Variants in TLN2 observed in about 807,000 individuals in gnomAD.
The protein encoded by TLN2 is talin-2.
In TLN2, 118 loss-of-function variants were observed where a neutral mutation model predicts 294.7. That is an observed-to-expected ratio of 0.40 (90% CI 0.34 to 0.47). The LOEUF is 0.47. Among genes scored for constraint, TLN2 ranks in the 20% least tolerant of loss-of-function variants. The pLI is 0.84. For missense variants in TLN2, 3,083 were observed against 3,282.2 expected, an observed-to-expected ratio of 0.94 and a Z score of 1.48; for synonymous variants, 1,431 against 1,304.5, an observed-to-expected ratio of 1.10 and a Z score of -2.09.
At chr15:62,765,181 G>C (rs2062921775) in intron 40 of TLN2, among the ~76,000 whole-genome samples, 2 of 152,018 alleles carry the variant, frequency 1.3e-5, no homozygotes, top group African/African-American at 4.8e-5. Context: ...AGACAGCACT[G>C]TTGGAATATT....
intron 1 of TLN2, among the ~76,000 whole-genome samples, chr15:62,499,137 C>T (rs2039169136): frequency 6.6e-6 from 1 of 152,002 alleles, no homozygotes; most frequent in Non-Finnish European, 1.5e-5. Context: ...CTTTCTGCTA[C>T]CTGGGACATT....
At position 62,426,482 on chromosome 15, in the gene TLN2, T is replaced by C. The variant is rs574139116; in HGVS notation, c.-238+35797T>C. Among the ~76,000 whole-genome samples, 3 of 152,010 alleles carry C rather than the reference T, an allele frequency of 2.0e-5. No homozygotes were observed. The South Asian group carries it at 6.2e-4, about 32-fold the overall frequency. On this transcript the variant is annotated intron_variant, in intron 1 of 58. Coordinates refer to ENST00000636159, the MANE Select transcript of TLN2 (RefSeq NM_015059.3). ...TGCTGTGGGCTTTAACTGGCAGGGATTGGGATAGGGGAAAAGAGGTAATGT... is the reference window on the plus strand; with the variant it reads ...TGCTGTGGGCTTTAACTGGCAGGGACTGGGATAGGGGAAAAGAGGTAATGT...
In TLN2 at chr15:62,739,561, G is replaced by A. The variant is rs2061205241; in HGVS notation, c.3885+16G>A. On this transcript the variant is annotated intron_variant, in intron 31 of 58. Coordinates refer to ENST00000636159, the MANE Select transcript of TLN2 (RefSeq NM_015059.3). ...CCAAGCTCAGGTGGGTGTGGAGGTG[G>A]TTGTCTGGAGTTGACCTTAGCCTCT... The A allele has an allele frequency of 6.2e-7, 1 of 1,613,568 alleles. No homozygotes were observed. The highest frequency in any genetic ancestry group is 1.7e-5 in the Admixed American group (1 of 59,974).
At chr15:62,448,436 G>A (rs1326678624) in intron 1 of TLN2, among the ~76,000 whole-genome samples, 1 of 152,212 alleles carries the variant, frequency 6.6e-6, no homozygotes, top group African/African-American at 2.4e-5. Flanking sequence ...GGCTGAATGA[G>A]CTTCACTTCT....
intron 9 of TLN2, among the ~76,000 whole-genome samples, chr15:62,670,994 GT>G (rs2055339377): frequency 6.6e-6 from 1 of 152,136 alleles, no homozygotes; most frequent in Non-Finnish European, 1.5e-5. Flanking sequence ...GTATGTATTG[GT>G]ATCACATTGT....
chr15:62,671,867 A>C (rs1403654835), intron 9 of TLN2, among the ~76,000 whole-genome samples: 1 of 152,100 alleles, frequency 6.6e-6, no homozygotes, highest in African/African-American at 2.4e-5. Flanking sequence ...TTCTTTTTGT[A>C]AACTGTTATT....
intron 52 of TLN2, among the ~76,000 whole-genome samples, chr15:62,810,679 A>T (rs778517474): frequency 6.6e-6 from 1 of 152,160 alleles, no homozygotes; most frequent in Admixed American, 6.5e-5. Flanking sequence ...GTGACTCGCT[A>T]CAAACCCTAA....
rs2055955563 is a variant in TLN2 at position 62,674,763 on chromosome 15, A to T, written c.853-454A>T. ...ATGATCTAGCCACCTTGGCCTCCCA[A>T]ACTGTTGGCATTATAGGCATAAGCC... On this transcript the variant is annotated intron_variant, in intron 10 of 58. Transcript: ENST00000636159. Among the ~76,000 whole-genome samples, 3 of 152,096 alleles carry T rather than the reference A, an allele frequency of 2.0e-5. No homozygotes were observed. The South Asian group carries it at 6.2e-4, about 32-fold the overall frequency.
chr15:62,657,670 C>T (rs1596528778), intron 8 of TLN2, 101 bp from the exon 9 acceptor site: 3 of 1,497,098 alleles, frequency 2.0e-6, no homozygotes, highest in Non-Finnish European at 1.8e-6. Flanking sequence ...GGCACTGTCC[C>T]CTGCTCCACA....
At chr15:62,712,857 G>A (rs952832034) in intron 22 of TLN2, among the ~76,000 whole-genome samples, 1 of 152,058 alleles carries the variant, frequency 6.6e-6, no homozygotes, top group Non-Finnish European at 1.5e-5. Flanking sequence ...TGTGTACCTA[G>A]CACACATTTC....
intron 2 of TLN2, among the ~76,000 whole-genome samples, chr15:62,612,732 C>T (rs899958585): frequency 6.6e-6 from 1 of 152,152 alleles, no homozygotes; most frequent in Non-Finnish European, 1.5e-5. Flanking sequence ...GCTGACTTCT[C>T]CACTTAATAG....
At chr15:62,715,132 A>G (rs1027926535) in intron 22 of TLN2, among the ~76,000 whole-genome samples, 19 of 152,268 alleles carry the variant, frequency 1.2e-4, no homozygotes, top group African/African-American at 3.9e-4. Context: ...AGGAGATTCT[A>G]TTCAAGAGGG....
At chr15:62,575,595 T>C (rs1335998744) in intron 1 of TLN2, among the ~76,000 whole-genome samples, 1 of 134,488 alleles carries the variant, frequency 7.4e-6, no homozygotes, top group Non-Finnish European at 1.6e-5. Context: ...TTCCATGGAA[T>C]CACTTAAAAA....
chr15:62,801,839 A>G (rs1420104317), intron 50 of TLN2, among the ~76,000 whole-genome samples: 3 of 152,194 alleles, frequency 2.0e-5, no homozygotes, highest in African/African-American at 4.8e-5. Context: ...TTGTGGGTAC[A>G]TAGTAGGTGT....
chr15:62,629,040 T>A (rs1215884322), intron 3 of TLN2, among the ~76,000 whole-genome samples: 1 of 151,788 alleles, frequency 6.6e-6, no homozygotes, highest in African/African-American at 2.4e-5. Flanking sequence ...CTAAAAAAAA[T>A]TTAAAAATTA....
chr15:62,708,892 T>G, intron 21 of TLN2, 96 bp downstream of exon 21: 1 of 1,405,394 alleles, frequency 7.1e-7, no homozygotes, highest in South Asian at 1.4e-5. Flanking sequence ...CCTGGATGAC[T>G]GGCAAGGGCA....
intron 2 of TLN2, among the ~76,000 whole-genome samples, chr15:62,590,337 G>A (rs992067528): frequency 1.1e-4 from 16 of 152,098 alleles, no homozygotes; most frequent in Non-Finnish European, 1.9e-4. Flanking sequence ...AGGCCCCAGT[G>A]TGTGTTGTTC....
intron 4 of TLN2, 44 bp downstream of exon 4, chr15:62,647,490 T>G (rs747055227): frequency 6.8e-5 from 109 of 1,611,882 alleles, no homozygotes; most frequent in South Asian, 1.1e-5. Flanking sequence ...CGTGTTTGCA[T>G]GTTTTTCACT....
chr15:62,808,817 G>T (rs928514879), intron 51 of TLN2, among the ~76,000 whole-genome samples: 3 of 152,244 alleles, frequency 2.0e-5, no homozygotes, highest in Admixed American at 6.5e-5. Flanking sequence ...TTAGTCCTCA[G>T]ATGAGGAAAA....
Sources: gnomAD v4.1 joint callset for allele counts (sites outside exome capture counted in the v4.1 genomes callset) on GRCh38, gnomAD v4.1.1 for gene constraint, MANE v1.5 for transcripts, NCBI Gene and HGNC (gene_info 2026-07-23, HGNC 2026-07-21) for gene names.